The following UTRN variants were observed in gnomAD, a reference collection of about 807,000 sequenced individuals.
UTRN encodes utrophin.
A neutral mutation model predicts 463.9 loss-of-function variants in UTRN; 283 were observed. The ratio of observed to expected loss-of-function variants is 0.61; its 90% CI spans 0.55 to 0.67. The LOEUF (loss-of-function observed/expected upper bound fraction) is 0.67. Ranked by LOEUF, UTRN falls within the 30% of genes least tolerant of loss-of-function variation. UTRN has a pLI of 0.00. For synonymous variants in UTRN, 1,442 were observed against 1,431.5 expected (o/e 1.01, Z -0.17); for missense variants, 3,922 against 4,084.3 (o/e 0.96, Z 1.08).
chr6:144,546,209 C>G (rs943243077), intron 46 of UTRN, among the ~76,000 whole-genome samples: 12 of 152,134 alleles, frequency 7.9e-5, no homozygotes, highest in African/African-American at 2.7e-4. Flanking sequence ...GTGCCTTCTA[C>G]TTCACTAGCT....
At chr6:144,608,034 T>C (rs143826866) in intron 51 of UTRN, among the ~76,000 whole-genome samples, 182 of 152,326 alleles carry the variant, frequency 1.2e-3, no homozygotes, top group African/African-American at 4.2e-3. Flanking sequence ...TGATTGTTAA[T>C]TTTGTGTGTT....
chr6:144,377,405 T>C (rs1780560648), intron 2 of UTRN, among the ~76,000 whole-genome samples: 1 of 152,218 alleles, frequency 6.6e-6, no homozygotes, highest in African/African-American at 2.4e-5. Context: ...GAGTTTATCA[T>C]ATTCTATCAC....
chr6:144,430,636 A>G (rs921466248), intron 9 of UTRN, among the ~76,000 whole-genome samples: 1 of 152,206 alleles, frequency 6.6e-6, no homozygotes, highest in African/African-American at 2.4e-5. Flanking sequence ...CACCAACTTC[A>G]TAAAGATAAT....
chr6:144,582,524 T>C (rs1211626903), intron 51 of UTRN, among the ~76,000 whole-genome samples: 3 of 152,188 alleles, frequency 2.0e-5, no homozygotes, highest in Non-Finnish European at 4.4e-5. Flanking sequence ...TATGATATAA[T>C]TATGGCCTCA....
At chr6:144,305,266 A>G (rs1805617456) in intron 2 of UTRN, among the ~76,000 whole-genome samples, 1 of 152,240 alleles carries the variant, frequency 6.6e-6, no homozygotes, top group African/African-American at 2.4e-5. Context: ...AATGTATTGA[A>G]TGGTACTGTA....
intron 51 of UTRN, among the ~76,000 whole-genome samples, chr6:144,623,600 AT>A (rs1775657063): frequency 6.6e-6 from 1 of 152,246 alleles, no homozygotes; most frequent in African/African-American, 2.4e-5. Flanking sequence ...TTTCAGATAG[AT>A]TACTAAGTCA....
chr6:144,486,074 TTAA>T (rs1365148266), intron 28 of UTRN, among the ~76,000 whole-genome samples: 2 of 152,192 alleles, frequency 1.3e-5, no homozygotes, highest in African/African-American at 4.8e-5. Context: ...ACATGTTAAC[TTAA>T]TAACCGTTTC....
At chr6:144,444,259 G>A in intron 13 of UTRN, 22 bp from the exon 14 acceptor site, 1 of 1,596,482 alleles carries the variant, frequency 6.3e-7, no homozygotes, top group Non-Finnish European at 8.6e-7. Context: ...TGTTGACAAA[G>A]GATGGTTTCT....
intron 64 of UTRN, among the ~76,000 whole-genome samples, chr6:144,800,567 A>G (rs1037722485): frequency 2.6e-5 from 4 of 152,126 alleles, no homozygotes; most frequent in Non-Finnish European, 5.9e-5. Context: ...TCCTGGATCT[A>G]TTGTTTGGTG....
At chr6:144,496,366 T>C (rs74684414) in intron 33 of UTRN, among the ~76,000 whole-genome samples, 6,231 of 152,274 alleles carry the variant, frequency 0.041, 436 homozygotes, top group African/African-American at 0.14. Flanking sequence ...TCTGCAAGCT[T>C]AGATTGTTGA....
rs12664200 is a variant in UTRN at position 144,423,708 on chromosome 6, T to C, written c.312+82T>C. The C allele has an allele frequency of 0.012, 16,979 of 1,442,544 alleles. 857 individuals carry two copies. In the East Asian group the frequency reaches 0.14, roughly 12 times the overall value. 89.4% of individuals were successfully genotyped at this position (1,442,544 alleles called of 1,614,324 possible). On this transcript the variant is annotated intron_variant, in intron 5 of 74. Transcript: ENST00000367545. Reference sequence around the variant, plus strand: ...GAAACTCACCAACTGCTTGATGCATTGGCATCCACTGATTCTTGCAAACAT... The same window carrying C: ...GAAACTCACCAACTGCTTGATGCATCGGCATCCACTGATTCTTGCAAACAT...
chr6:144,467,226 CCCT>C, intron 23 of UTRN, among the ~76,000 whole-genome samples: 1 of 152,332 alleles, frequency 6.6e-6, no homozygotes, highest in Admixed American at 6.5e-5. Context: ...GAATTCACAT[CCCT>C]CCTCCTCCTG....
intron 68 of UTRN, among the ~76,000 whole-genome samples, chr6:144,828,513 G>A (rs1013584555): frequency 1.3e-5 from 2 of 152,120 alleles, no homozygotes; most frequent in African/African-American, 4.8e-5. Flanking sequence ...CAACTAGAGG[G>A]TTAAGGAAAG....
Position 144,475,595 on chromosome 6 carries a change from A to G in UTRN, c.3336+836A>G, listed in dbSNP as rs545425503. 4.1e-4 allele frequency among the ~76,000 whole-genome samples: 63 copies of G among 152,272 alleles called. 2 individuals carry two copies. Among genetic ancestry groups the G allele is most frequent in the South Asian group, 1.0e-3 (5 of 4,820 alleles). ...AAGTGACATGTGATATAGATCTTTT[A>G]AGGTCACTCTGGCTTTTTGTTTTGT... On this transcript the variant is annotated intron_variant, in intron 25 of 74. Transcript: ENST00000367545.
intron 51 of UTRN, among the ~76,000 whole-genome samples, chr6:144,671,973 G>T (rs1830269): frequency 0.58 from 88,087 of 151,888 alleles, 27,224 homozygotes; most frequent in East Asian, 0.87. Context: ...TTGACTTGCA[G>T]ATGTTAAACC....
chr6:144,554,687 GTGGAA>G lies in UTRN; in HGVS notation c.6929_6933del (p.Leu2310Ter). On this transcript the variant is annotated frameshift_variant and splice_region_variant, in exon 49 of 75. Coordinates refer to ENST00000367545, the MANE Select transcript of UTRN (RefSeq NM_007124.3). LOFTEE classifies it high-confidence loss of function. ...TTTTTCTTTTATAATGCTACCCTCA[GTGGAA>G]AGGGTCAAGAACCAGTGGGATGGCA... 1 of 1,613,752 alleles carries G rather than the reference GTGGAA, an allele frequency of 6.2e-7. No individual in the cohort carries two copies. The highest frequency in any genetic ancestry group is 8.5e-7 in the Non-Finnish European group (1 of 1,179,912).
intron 2 of UTRN, among the ~76,000 whole-genome samples, chr6:144,366,902 C>T (rs1466313111): frequency 1.3e-5 from 2 of 152,174 alleles, no homozygotes; most frequent in Non-Finnish European, 2.9e-5. Flanking sequence ...TGCCACTTCG[C>T]CAGTGCCTAT....
chr6:144,824,623 T>C (rs1779991787), intron 66 of UTRN, among the ~76,000 whole-genome samples: 1 of 102,980 alleles, frequency 9.7e-6, no homozygotes, highest in African/African-American at 3.6e-5. Flanking sequence ...TCTTTTTTTT[T>C]TTTTTTTTTT....
Position 144,631,152 on chromosome 6 carries a change from A to C in UTRN, c.7480-47254A>C, listed in dbSNP as rs184552303. 1.2e-3 allele frequency among the ~76,000 whole-genome samples: 188 copies of C among 151,966 alleles called. 2 individuals are homozygous for C. The highest frequency in any genetic ancestry group is 4.3e-3 in the Admixed American group (65 of 15,256). On this transcript the variant is annotated intron_variant, in intron 51 of 74. Transcript: ENST00000367545. ...CCTTCTAGTATGAGGATGGAGTACA[A>C]GTTTTTGAGGTTGCATTGCTGAAGG...
Sources: gnomAD v4.1 joint callset for allele counts (sites outside exome capture counted in the v4.1 genomes callset) on GRCh38, gnomAD v4.1.1 for gene constraint, MANE v1.5 for transcripts, NCBI Gene and HGNC (gene_info 2026-07-23, HGNC 2026-07-21) for gene names.